Variants in LEP observed in about 807,000 individuals in gnomAD.
LEP encodes the protein leptin (murine obesity homolog).
In LEP, 6 loss-of-function variants were observed where a neutral mutation model predicts 9.8. That is an observed-to-expected ratio of 0.61 (90% confidence interval 0.34 to 1.21). The LOEUF (loss-of-function observed/expected upper bound fraction) is 1.21. Among genes scored for constraint, LEP ranks in the 50% most tolerant of loss-of-function variants. The pLI is 0.04. For missense variants in LEP, 134 were observed against 198.1 expected (o/e 0.68, Z 1.94); for synonymous variants, 112 against 81.7 (o/e 1.37, Z -2.00).
intron 2 of LEP, among the ~76,000 whole-genome samples, chr7:128,254,197 G>A (rs1795308309): frequency 6.6e-6 from 1 of 152,168 alleles, no homozygotes; most frequent in South Asian, 2.1e-4. Context: ...GAAGGATGGT[G>A]TGGGAAAAGC....
intron 1 of LEP, among the ~76,000 whole-genome samples, chr7:128,251,552 A>G (rs2116220893): frequency 6.6e-6 from 1 of 152,380 alleles, no homozygotes; most frequent in South Asian, 2.1e-4. Flanking sequence ...TTTGATCCTC[A>G]TAAAAGCCTA....
rs1795320013 is a variant in LEP at position 128,254,949 on chromosome 7, A to G, written c.*186A>G. The G allele has an allele frequency of 1.5e-6, 1 of 665,200 alleles. No homozygotes were observed. The highest frequency in any genetic ancestry group is 2.3e-5 in the Admixed American group (1 of 42,728). The allele number at this position is 665,200 out of a possible 1,614,324, so 41.2% of individuals were successfully genotyped here. A position where few individuals can be genotyped will look rare whatever the true frequency, so the allele number is the denominator to read the frequency against. ...TAAGCCTCCTTTTGCTTGAAACCAA[A>G]GATATATACACAGGATCCTATTCTC... On this transcript the variant is annotated 3_prime_UTR_variant, in exon 3 of 3. Transcript: ENST00000308868.
At position 128,254,401 on chromosome 7, in the gene LEP, T is replaced by C. The variant is rs1304755019; in HGVS notation, c.145-3T>C. ...ACTTGTTCTCCCTCTTCCTCCTGCATAGCAGTCAGTCTCCTCCAAACAGAA... is the reference window on the plus strand; with the variant it reads ...ACTTGTTCTCCCTCTTCCTCCTGCACAGCAGTCAGTCTCCTCCAAACAGAA... On this transcript the variant is annotated splice_polypyrimidine_tract_variant and splice_region_variant and intron_variant, in intron 2 of 2. Coordinates refer to ENST00000308868, the MANE Select transcript of LEP (RefSeq NM_000230.3). 6.2e-7 allele frequency: 1 copy of C among 1,612,888 alleles called. No homozygotes were observed. Among genetic ancestry groups the C allele is most frequent in the African/African-American group, 1.3e-5 (1 of 75,036 alleles).
intron 1 of LEP, among the ~76,000 whole-genome samples, chr7:128,243,704 C>T (rs1186427708): frequency 2.6e-5 from 4 of 152,328 alleles, no homozygotes; most frequent in African/African-American, 9.6e-5. Context: ...TAGGATGCGA[C>T]TTTAAGATGG....
Position 128,256,135 on chromosome 7 carries a change from G to A in LEP, c.*1372G>A, listed in dbSNP as rs1339089439. 1.3e-5 allele frequency: 2 copies of A among 152,222 alleles called. No individual in the cohort carries two copies. The highest frequency in any genetic ancestry group is 4.8e-5 in the African/African-American group (2 of 41,458). The allele number at this position is 152,222 out of a possible 1,614,324, so 9.4% of individuals were successfully genotyped here. On this transcript the variant is annotated 3_prime_UTR_variant, in exon 3 of 3. Transcript: ENST00000308868. ...GGCCAAAATTACCAAAAATCTTGGG[G>A]GGTTTTTACTCCAGTGGTGAAGAAA...
chr7:128,251,222 T>G (rs920748554), intron 1 of LEP, among the ~76,000 whole-genome samples: 12 of 152,204 alleles, frequency 7.9e-5, no homozygotes, highest in African/African-American at 2.7e-4. Flanking sequence ...GAATGGCCCA[T>G]TGACCTGTTT....
intron 1 of LEP, among the ~76,000 whole-genome samples, chr7:128,247,335 A>G (rs557762124): frequency 2.0e-5 from 3 of 152,292 alleles, no homozygotes; most frequent in Non-Finnish European, 4.4e-5. Flanking sequence ...ATGTCCAGCC[A>G]GTACTAGGAC....
chr7:128,250,386 G>A (rs548421466), intron 1 of LEP, among the ~76,000 whole-genome samples: 5 of 152,154 alleles, frequency 3.3e-5, no homozygotes, highest in African/African-American at 9.6e-5. Flanking sequence ...CCAGAGCAGG[G>A]TATTTGTTTC....
chr7:128,244,647 G>T (rs374942574), intron 1 of LEP, among the ~76,000 whole-genome samples: 2 of 152,200 alleles, frequency 1.3e-5, no homozygotes, highest in Non-Finnish European at 2.9e-5. Flanking sequence ...TAAGAAAAGA[G>T]TATCTCACCC....
Position 128,256,049 on chromosome 7 carries a change from G to C in LEP, c.*1286G>C, listed in dbSNP as rs1795335953. 1 of 152,216 alleles carries C rather than the reference G, an allele frequency of 6.6e-6. No homozygotes were observed. The highest frequency in any genetic ancestry group is 1.5e-5 in the Non-Finnish European group (1 of 68,050). 9.4% of individuals were successfully genotyped at this position (152,216 alleles called of 1,614,324 possible). A position where few individuals can be genotyped will look rare whatever the true frequency, so the allele number is the denominator to read the frequency against. ...CACTCTGGGTTTATTACATGGCAGT[G>C]TTCCTATTTGGGGCTTGCATGCCAA... On this transcript the variant is annotated 3_prime_UTR_variant, in exon 3 of 3. Coordinates refer to ENST00000308868, the MANE Select transcript of LEP (RefSeq NM_000230.3).
At chr7:128,249,187 G>A (rs1306651098) in intron 1 of LEP, among the ~76,000 whole-genome samples, 1 of 152,230 alleles carries the variant, frequency 6.6e-6, no homozygotes, top group African/African-American at 2.4e-5. Context: ...ATGTTGGCAT[G>A]TGTTAAGTCG....
intron 1 of LEP, among the ~76,000 whole-genome samples, chr7:128,242,872 A>G (rs942653068): frequency 1.3e-5 from 2 of 152,200 alleles, no homozygotes; most frequent in African/African-American, 4.8e-5. Context: ...ACCCCCGCTT[A>G]GATGCCACCA....
At chr7:128,253,628 A>G (rs1024813036) in intron 2 of LEP, among the ~76,000 whole-genome samples, 2 of 152,128 alleles carry the variant, frequency 1.3e-5, no homozygotes, top group Admixed American at 1.3e-4. Flanking sequence ...TGGGTGTCTT[A>G]TGGTAGTCTT....
Position 128,254,627 on chromosome 7 carries a change from G to C in LEP, c.368G>C (p.Ser123Thr), listed in dbSNP as rs889538945. 2 of 1,614,088 alleles carry C rather than the reference G, an allele frequency of 1.2e-6. No individual in the cohort carries two copies. The highest frequency in any genetic ancestry group is 2.7e-5 in the African/African-American group (2 of 74,944). ...FSKSCHLPWA[S>T]GLETLDSLGG... ...AAGAGCTGCCACTTGCCCTGGGCCA[G>C]TGGCCTGGAGACCTTGGACAGCCTG... is the stretch of plus-strand genomic sequence containing the variant. Residue 123 changes from serine (S) to threonine (T), a missense_variant, in exon 3 of 3, where the codon AGT (serine) becomes ACT (threonine). Transcript: ENST00000308868.
rs569793640 is a variant in LEP at position 128,250,541 on chromosome 7, T to C, written c.-28-1450T>C. On this transcript the variant is annotated intron_variant, in intron 1 of 2. Transcript: ENST00000308868. ...AATCCTGACTCTGTCATGGACCTGT[T>C]TGACTTTGGGCAAGTTGACTCCTAT... is the stretch of plus-strand genomic sequence containing the variant. Among the ~76,000 whole-genome samples the C allele has an allele frequency of 2.0e-5, 3 of 152,294 alleles. No homozygotes were observed. The East Asian group carries it at 5.8e-4, about 29-fold the overall frequency.
At chr7:128,249,203 CA>C (rs1795247186) in intron 1 of LEP, among the ~76,000 whole-genome samples, 1 of 152,182 alleles carries the variant, frequency 6.6e-6, no homozygotes, top group African/African-American at 2.4e-5. Flanking sequence ...AGTCGGTTAG[CA>C]TTAAGTTTGG....
chr7:128,245,652 C>G (rs921745333), intron 1 of LEP, among the ~76,000 whole-genome samples: 1 of 152,282 alleles, frequency 6.6e-6, no homozygotes, highest in East Asian at 1.9e-4. Context: ...TACCATGTTA[C>G]CTGAATTTAA....
intron 1 of LEP, among the ~76,000 whole-genome samples, chr7:128,247,429 G>A (rs182961864): frequency 1.8e-3 from 275 of 152,258 alleles, no homozygotes; most frequent in Non-Finnish European, 2.7e-3. Context: ...AGTCAGCCAG[G>A]CTGAAAACAT....
At chr7:128,251,835 G>A (rs1181239734) in intron 1 of LEP, among the ~76,000 whole-genome samples, 156 bp from the exon 2 acceptor site, 6 of 152,150 alleles carry the variant, frequency 3.9e-5, no homozygotes, top group African/African-American at 1.4e-4. Context: ...TAATACATAT[G>A]TAGATCATGA....
Sources: allele counts gnomAD v4.1 joint callset (sites outside exome capture counted in the v4.1 genomes callset), GRCh38; gene constraint gnomAD v4.1.1; transcripts MANE v1.5; gene names NCBI Gene and HGNC (gene_info 2026-07-23, HGNC 2026-07-21).